The following TDP1 variants were observed in gnomAD, a reference collection of about 807,000 sequenced individuals.
TDP1 encodes tyr-DNA phosphodiesterase 1.
In TDP1, 64 loss-of-function variants were observed where a neutral mutation model predicts 81.5. That is an observed-to-expected ratio of 0.79 (90% confidence interval 0.64 to 0.97). The LOEUF (loss-of-function observed/expected upper bound fraction) is 0.97. TDP1 is among the 50% of genes least tolerant of loss of function. The probability of loss-of-function intolerance (pLI) is 0.00; values close to 1 mark genes in which losing one functional copy is unlikely to be tolerated. For synonymous variants in TDP1, 256 were observed against 264.3 expected, an observed-to-expected ratio of 0.97 and a Z score of 0.30; for missense variants, 723 against 743.8, an observed-to-expected ratio of 0.97 and a Z score of 0.33.
At chr14:89,966,997 TC>T (rs1362151521) in intron 4 of TDP1, 3 of 985,098 alleles carry the variant, frequency 3.0e-6, no homozygotes, top group East Asian at 1.1e-4. Context: ...CCAGTATCTG[TC>T]TTTTTATAAT....
At chr14:89,994,600 A>G (rs974861631) in intron 14 of TDP1, among the ~76,000 whole-genome samples, 4 of 152,216 alleles carry the variant, frequency 2.6e-5, no homozygotes, top group Non-Finnish European at 5.9e-5. Context: ...GTTCAATGGC[A>G]GTGTGTGCTT....
intron 15 of TDP1, among the ~76,000 whole-genome samples, chr14:90,027,059 A>G (rs1372114387): frequency 1.3e-5 from 2 of 152,034 alleles, no homozygotes; most frequent in East Asian, 1.9e-4. Context: ...TGGTTGAACT[A>G]GTTTACAGTC....
intron 2 of TDP1, among the ~76,000 whole-genome samples, chr14:89,957,662 C>A (rs1005848125): frequency 6.6e-6 from 1 of 152,164 alleles, no homozygotes; most frequent in Admixed American, 6.5e-5. Flanking sequence ...AAATGGAGTA[C>A]CCTTTTATAT....
chr14:89,956,914 A>T (rs35003470), intron 2 of TDP1, 114 bp downstream of exon 2: 1 of 152,300 alleles, frequency 6.6e-6, no homozygotes, highest in East Asian at 1.9e-4. Context: ...AATAAATGTA[A>T]ATCGGACTCC....
intron 14 of TDP1, among the ~76,000 whole-genome samples, chr14:90,013,176 T>C (rs1884917007): frequency 6.6e-6 from 1 of 152,212 alleles, no homozygotes; most frequent in East Asian, 1.9e-4. Flanking sequence ...TTTGAATTAA[T>C]GCCGAAATGA....
chr14:89,969,162 A>G (rs1015929041), intron 5 of TDP1, among the ~76,000 whole-genome samples: 1 of 152,134 alleles, frequency 6.6e-6, no homozygotes, highest in African/African-American at 2.4e-5. Flanking sequence ...GACCTGTGAG[A>G]CAATATATTG....
chr14:90,025,520 C>T (rs1392684398), intron 15 of TDP1, among the ~76,000 whole-genome samples: 1 of 152,162 alleles, frequency 6.6e-6, no homozygotes, highest in Non-Finnish European at 1.5e-5. Context: ...AGAGTCATGT[C>T]AAGGTACATT....
chr14:89,956,201 T>TGCGGAGACCTGTGTCCTGCCGGGGCGCG (rs1891583579), intron 1 of TDP1: 1 of 152,134 alleles, frequency 6.6e-6, no homozygotes, highest in East Asian at 1.9e-4. Flanking sequence ...GCACGGGCGC[T>TGCGGAGACCTGTGTCCTGCCGGGGCGCG]GCGGAGACCT....
At chr14:89,975,044 C>A (rs139741307) in intron 6 of TDP1, among the ~76,000 whole-genome samples, 1 of 152,158 alleles carries the variant, frequency 6.6e-6, no homozygotes. Flanking sequence ...AATTTAACAT[C>A]CTAAGTCTTT....
Position 90,020,354 on chromosome 14 carries a change from TCCTC to T in TDP1, c.1644+956_1644+959del, listed in dbSNP as rs200030327. 4.2e-4 allele frequency among the ~76,000 whole-genome samples: 54 copies of T among 128,406 alleles called. 1 individual carries two copies. Among genetic ancestry groups the T allele is most frequent in the Admixed American group, 1.2e-3 (15 of 12,994 alleles). 84.2% of individuals were successfully genotyped at this position (128,406 alleles called of 152,430 possible). ...AATGCTTTTTCCTTCCTTCCTCCCTTCCTCCCTCCCTCCCTCCCTCCCTTCCTTC... is the reference window on the plus strand; with the variant it reads ...AATGCTTTTTCCTTCCTTCCTCCCTTCCTCCCTCCCTCCCTCCCTTCCTTC... On this transcript the variant is annotated intron_variant, in intron 15 of 16. Transcript: ENST00000335725.
chr14:89,999,458 C>T (rs1444283824), intron 14 of TDP1, among the ~76,000 whole-genome samples: 1 of 152,030 alleles, frequency 6.6e-6, no homozygotes, highest in Non-Finnish European at 1.5e-5. Context: ...TGGATTTTAG[C>T]CAAAGGTAAA....
intron 2 of TDP1, chr14:89,962,863 G>T (rs1398190743): frequency 3.5e-5 from 33 of 953,636 alleles, no homozygotes; most frequent in Non-Finnish European, 4.0e-5. Flanking sequence ...GACAGAGCGA[G>T]ACCCTGTTTC....
At chr14:89,979,675 T>C (rs1894757479) in intron 7 of TDP1, among the ~76,000 whole-genome samples, 1 of 152,068 alleles carries the variant, frequency 6.6e-6, no homozygotes, top group Admixed American at 6.6e-5. Context: ...GAGATACAAG[T>C]GGAAAACTGA....
chr14:90,007,357 G>A (rs745876928), intron 14 of TDP1, among the ~76,000 whole-genome samples: 7 of 152,162 alleles, frequency 4.6e-5, no homozygotes, highest in Non-Finnish European at 8.8e-5. Flanking sequence ...AGGAAGCCAA[G>A]GCCGGTGGAT....
intron 15 of TDP1, 176 bp from the exon 16 acceptor site, chr14:90,032,930 A>T: frequency 1.2e-6 from 1 of 857,612 alleles, no homozygotes; most frequent in Non-Finnish European, 1.4e-6. Context: ...AAGGAAAATA[A>T]TTTGGGGCGG....
rs73326415 is a variant in TDP1, at chr14:89,983,428, C to T, written c.885-1088C>T. On this transcript the variant is annotated intron_variant, in intron 8 of 16. Transcript: ENST00000335725. The stretch of plus-strand genomic sequence containing the variant: ...TTGCAGAGTTGAGAAGATGTACGGC[C>T]GAGAGTCCTTGCAGTTCTGGATGCC... 6.0e-3 allele frequency among the ~76,000 whole-genome samples: 911 copies of T among 152,292 alleles called. 6 individuals carry two copies. The highest frequency in any genetic ancestry group is 0.021 in the African/African-American group (871 of 41,556).
At chr14:90,019,279 C>T in intron 14 of TDP1, 37 bp from the exon 15 acceptor site, 1 of 1,439,148 alleles carries the variant, frequency 6.9e-7, no homozygotes, top group East Asian at 2.3e-5. Context: ...TGAGATGCCT[C>T]CCTGAGTCAG....
At chr14:89,970,907 C>T (rs987269273) in intron 5 of TDP1, 4 of 280,606 alleles carry the variant, frequency 1.4e-5, no homozygotes, top group Non-Finnish European at 2.2e-5. Context: ...GGCTCAATCT[C>T]GGCTCACTGC....
rs1210352234 is a variant in TDP1, at chr14:89,966,162, T to C, written c.575T>C (p.Leu192Ser). The part of the protein sequence containing the change: ...ALHIKDILSP[L>S]FGTLVSSAQF... Reference sequence around the variant, plus strand: ...GTCTTCTCAGATATTTTATCTCCTTTATTTGGGACGCTTGTTTCTTCAGCT... The same window carrying C: ...GTCTTCTCAGATATTTTATCTCCTTCATTTGGGACGCTTGTTTCTTCAGCT... The change falls in exon 4 of 17, where the codon TTA (leucine) becomes TCA (serine). Residue 192 changes from leucine to serine, a missense_variant. Coordinates refer to ENST00000335725, the MANE Select transcript of TDP1 (RefSeq NM_018319.4). The C allele has an allele frequency of 1.2e-6, 2 of 1,606,814 alleles. No individual in the cohort carries two copies.
Sources: allele counts gnomAD v4.1 joint callset (sites outside exome capture counted in the v4.1 genomes callset), GRCh38; gene constraint gnomAD v4.1.1; transcripts MANE v1.5; gene names NCBI Gene and HGNC (gene_info 2026-07-23, HGNC 2026-07-21).